ARHGEF10: variants seen among roughly 807,000 people sequenced by gnomAD.
The protein encoded by ARHGEF10 is Rho guanine nucleotide exchange factor (GEF) 10.
A neutral mutation model predicts 147.4 loss-of-function variants in ARHGEF10; 140 were observed. The observed-to-expected ratio is 0.95, with a 90% confidence interval of 0.83 to 1.09. The LOEUF (loss-of-function observed/expected upper bound fraction) is 1.09. ARHGEF10 is among the 50% of genes least tolerant of loss of function. The probability of loss-of-function intolerance (pLI) is 0.00; values close to 1 mark genes in which losing one functional copy is unlikely to be tolerated. For synonymous variants in ARHGEF10, 902 were observed against 695.8 expected (o/e 1.30, Z -4.67); for missense variants, 2,222 against 1,752.7 (o/e 1.27, Z -4.78).
intron 1 of ARHGEF10, among the ~76,000 whole-genome samples, chr8:1,839,745 G>T (rs1803851914): frequency 6.8e-6 from 1 of 146,606 alleles, no homozygotes; most frequent in Non-Finnish European, 1.5e-5. Context: ...AAGCTGTCTG[G>T]TGTGGAAGCT....
At chr8:1,953,897 C>T (rs989869738) in intron 28 of ARHGEF10, among the ~76,000 whole-genome samples, 4 of 152,180 alleles carry the variant, frequency 2.6e-5, no homozygotes, top group Admixed American at 6.5e-5. Context: ...ACTGTTCCTA[C>T]GGGCTCCATT....
intron 17 of ARHGEF10, among the ~76,000 whole-genome samples, chr8:1,907,956 C>G (rs1011039341): frequency 6.6e-6 from 1 of 152,174 alleles, no homozygotes; most frequent in South Asian, 2.1e-4. Context: ...GAGGAGGAAT[C>G]GGAATTTTGG....
At chr8:1,849,546 GGGCA>G (rs1356229236) in intron 2 of ARHGEF10, among the ~76,000 whole-genome samples, 3 of 147,510 alleles carry the variant, frequency 2.0e-5, no homozygotes, top group Non-Finnish European at 1.5e-5. Context: ...GCGGCCACGT[GGGCA>G]TGGACAGCAA....
chr8:1,945,359 G>T, intron 26 of ARHGEF10, 122 bp from the exon 27 acceptor site: 1 of 1,232,976 alleles, frequency 8.1e-7, no homozygotes, highest in Admixed American at 2.0e-5. Flanking sequence ...GTGATTTGGA[G>T]CAAAGCCTGC....
intron 1 of ARHGEF10, 71 bp from the exon 2 acceptor site, chr8:1,843,282 A>G: frequency 8.2e-7 from 1 of 1,224,870 alleles, no homozygotes; most frequent in Non-Finnish European, 1.2e-6. Flanking sequence ...TTCTCTGTCG[A>G]CAGCCCTACA....
intron 7 of ARHGEF10, among the ~76,000 whole-genome samples, chr8:1,871,792 G>T (rs1807152163): frequency 6.6e-6 from 1 of 152,154 alleles, no homozygotes; most frequent in Non-Finnish European, 1.5e-5. Context: ...ACTCCAGCCT[G>T]GGCAACAGAG....
In ARHGEF10 at chr8:1,941,104, C is replaced by G. The variant is rs114981604; in HGVS notation, c.3223-4377C>G. On this transcript the variant is annotated intron_variant, in intron 26 of 28. Coordinates refer to ENST00000349830, the MANE Select transcript of ARHGEF10 (RefSeq NM_014629.4). ...CTGCCATTTTTATTCACAGTAGTACCGGAGGATCTGCCAGAGCAATTAGAC... is the reference window on the plus strand; with the variant it reads ...CTGCCATTTTTATTCACAGTAGTACGGGAGGATCTGCCAGAGCAATTAGAC... 1.7e-3 allele frequency among the ~76,000 whole-genome samples: 257 copies of G among 152,254 alleles called. 3 individuals are homozygous for G. Among genetic ancestry groups the G allele is most frequent in the African/African-American group, 5.6e-3 (234 of 41,540 alleles).
rs75470489 is a variant in ARHGEF10 at position 1,946,454 on chromosome 8, G to A, written c.3397+799G>A. 6.7e-3 allele frequency among the ~76,000 whole-genome samples: 1,019 copies of A among 152,294 alleles called. 10 individuals carry two copies. Among genetic ancestry groups the A allele is most frequent in the African/African-American group, 0.023 (949 of 41,568 alleles). On this transcript the variant is annotated intron_variant, in intron 27 of 28. Transcript: ENST00000349830. ...CGGGGAGCACGGTGCCTGCAGGGCC[G>A]GTTTCTGGGAGGATCTGCTTCCTGC... is the stretch of plus-strand genomic sequence containing the variant.
intron 7 of ARHGEF10, among the ~76,000 whole-genome samples, chr8:1,874,540 C>G (rs979254128): frequency 4.6e-5 from 7 of 152,176 alleles, no homozygotes; most frequent in Admixed American, 4.6e-4. Flanking sequence ...GAGATGGATG[C>G]GAGGAAATAG....
rs149173009 is a variant in ARHGEF10 at position 1,890,110 on chromosome 8, C to T, written c.1183-3459C>T. On this transcript the variant is annotated intron_variant, in intron 11 of 28. Transcript: ENST00000349830. ...GGGTCTGTGAGGAGTCACCGAGTGC[C>T]GTGTGAGTTGTGAGAAAACGGAGTG... Among the ~76,000 whole-genome samples, 43 of 114,574 alleles carry T rather than the reference C, an allele frequency of 3.8e-4. No homozygotes were observed. The East Asian group carries it at 0.011, about 29-fold the overall frequency. 75.2% of individuals were successfully genotyped at this position (114,574 alleles called of 152,430 possible). A position where few individuals can be genotyped will look rare whatever the true frequency, so the allele number is the denominator to read the frequency against.
At chr8:1,884,816 G>A (rs1291127916) in intron 10 of ARHGEF10, among the ~76,000 whole-genome samples, 4 of 152,158 alleles carry the variant, frequency 2.6e-5, no homozygotes, top group Admixed American at 2.6e-4. Flanking sequence ...CCAGGCTGGA[G>A]TGCAGTGGCA....
intron 16 of ARHGEF10, among the ~76,000 whole-genome samples, chr8:1,904,756 C>A (rs73180751): frequency 0.083 from 12,582 of 152,120 alleles, 700 homozygotes; most frequent in Middle Eastern, 0.13. Context: ...TGGGCAGCAG[C>A]GTAGGTTTAG....
intron 2 of ARHGEF10, 85 bp from the exon 3 acceptor site, chr8:1,857,875 G>GATCC: frequency 1.1e-6 from 1 of 917,778 alleles, no homozygotes; most frequent in Non-Finnish European, 1.7e-6. Context: ...AACATAGATC[G>GATCC]ATCGATCTAT....
At chr8:1,860,308 C>G in intron 4 of ARHGEF10, 124 bp downstream of exon 4, 1 of 1,312,314 alleles carries the variant, frequency 7.6e-7, no homozygotes, top group Non-Finnish European at 1.1e-6. Context: ...TCCGTAGAGT[C>G]CGGGCCTGAC....
intron 2 of ARHGEF10, among the ~76,000 whole-genome samples, chr8:1,850,445 G>A (rs1805037745): frequency 6.6e-6 from 1 of 150,934 alleles, no homozygotes; most frequent in Non-Finnish European, 1.5e-5. Flanking sequence ...AAATGCTGAG[G>A]AGGGTGTGGG....
At chr8:1,885,846 T>C in intron 11 of ARHGEF10, 139 bp downstream of exon 11, 1 of 742,562 alleles carries the variant, frequency 1.3e-6, no homozygotes, top group Non-Finnish European at 2.4e-6. Flanking sequence ...TGTAGGTTCC[T>C]GGCCCAGCAC....
intron 4 of ARHGEF10, 56 bp from the exon 5 acceptor site, chr8:1,864,317 T>G (rs1315421028): frequency 3.2e-6 from 5 of 1,561,582 alleles, no homozygotes; most frequent in South Asian, 1.1e-5. Flanking sequence ...AAACATCAAC[T>G]TCATGAGCAT....
At chr8:1,920,031 T>TATGGGTGATGGGGCCGTTCC (rs1554506688) in intron 18 of ARHGEF10, among the ~76,000 whole-genome samples, 1 of 105,050 alleles carries the variant, frequency 9.5e-6, no homozygotes, top group Non-Finnish European at 2.0e-5. Flanking sequence ...GGAGCTGTTC[T>TATGGGTGATGGGGCCGTTCC]ATGGGTGATG....
rs775638953 is a variant in ARHGEF10 at position 1,957,119 on chromosome 8, G to C, written c.3891G>C (p.Arg1297=). The part of the protein sequence containing the change: ...DPVSLRSKAR[R]AKKAKASSAL... ...TCTCGCTGAGAAGCAAAGCACGCCG[G>C]GCCAAGAAAGCCAAGGCCAGCTCGG... Residue 1297 remains arginine (R), a synonymous_variant, in exon 29 of 29, where the codon CGG becomes CGC. Transcript: ENST00000349830. 55 of 1,612,964 alleles carry C rather than the reference G, an allele frequency of 3.4e-5. No homozygotes were observed. The South Asian group carries it at 6.0e-4, about 18-fold the overall frequency.
Sources: gnomAD v4.1 joint callset for allele counts (sites outside exome capture counted in the v4.1 genomes callset) on GRCh38, gnomAD v4.1.1 for gene constraint, MANE v1.5 for transcripts, NCBI Gene and HGNC (gene_info 2026-07-23, HGNC 2026-07-21) for gene names.